The following COL4A3 variants were observed in gnomAD, a reference collection of about 807,000 sequenced individuals.
The protein encoded by COL4A3 is collagen alpha-3(IV) chain.
COL4A3 carries 135 observed loss-of-function variants against 217.4 expected under a neutral mutation model. The ratio of observed to expected loss-of-function variants is 0.62; its 90% CI spans 0.54 to 0.72. COL4A3 has a LOEUF of 0.72. Among genes scored for constraint, COL4A3 ranks in the 30% least tolerant of loss-of-function variants. COL4A3 has a pLI of 0.00. For missense variants in COL4A3, 1,868 were observed against 2,119.9 expected, an observed-to-expected ratio of 0.88 and a Z score of 2.33; for synonymous variants, 690 against 736.3, an observed-to-expected ratio of 0.94 and a Z score of 1.02.
At chr2:227,219,764 T>C (rs978788560) in intron 1 of COL4A3, among the ~76,000 whole-genome samples, 12 of 152,224 alleles carry the variant, frequency 7.9e-5, no homozygotes, top group African/African-American at 2.9e-4. Flanking sequence ...ACCACAGTTA[T>C]ATATTTTATA....
intron 9 of COL4A3, among the ~76,000 whole-genome samples, chr2:227,249,428 G>C (rs1014723933): frequency 6.7e-6 from 1 of 150,068 alleles, no homozygotes; most frequent in African/African-American, 2.5e-5. Context: ...TAGAGATGGG[G>C]TTTCACCATG....
At chr2:227,249,231 T>TATATATATATATATATATATA (rs71036175) in intron 9 of COL4A3, among the ~76,000 whole-genome samples, 3 of 19,472 alleles carry the variant, frequency 1.5e-4, no homozygotes, top group Admixed American at 5.3e-4. Flanking sequence ...TATATATATA[T>TATATATATATATATATATATA]TTTTTTTTTT....
intron 14 of COL4A3, 39 bp from the exon 15 acceptor site, chr2:227,254,617 A>G: frequency 6.9e-7 from 1 of 1,454,014 alleles, no homozygotes; most frequent in Non-Finnish European, 9.7e-7. Flanking sequence ...TAAAAAAATC[A>G]GTAATTCATA....
intron 1 of COL4A3, among the ~76,000 whole-genome samples, chr2:227,212,161 G>GTTTTTTTTGT (rs2067350314): frequency 6.7e-6 from 1 of 148,460 alleles, no homozygotes; most frequent in African/African-American, 2.5e-5. Flanking sequence ...TGTTTTTTTT[G>GTTTTTTTTGT]TTTTTTTTTG....
At chr2:227,202,921 ATG>A (rs1491527559) in intron 1 of COL4A3, among the ~76,000 whole-genome samples, 1 of 31,854 alleles carries the variant, frequency 3.1e-5, no homozygotes, top group Non-Finnish European at 5.1e-5. Flanking sequence ...ATATACATAT[ATG>A]TGTATATATG....
intron 27 of COL4A3, among the ~76,000 whole-genome samples, chr2:227,277,086 G>A (rs1479691768): frequency 1.3e-5 from 2 of 152,024 alleles, no homozygotes; most frequent in Non-Finnish European, 2.9e-5. Flanking sequence ...TTGGGAGGCC[G>A]ACGCAGGCGG....
chr2:227,260,943 T>C (rs759073894), intron 19 of COL4A3, 139 bp from the exon 20 acceptor site: 7 of 686,442 alleles, frequency 1.0e-5, no homozygotes, highest in Non-Finnish European at 1.8e-5. Flanking sequence ...ATTTCTGATA[T>C]TTGTCTAGGT....
At chr2:227,297,616 G>C in intron 41 of COL4A3, 58 bp from the exon 42 acceptor site, 3 of 1,519,602 alleles carry the variant, frequency 2.0e-6, no homozygotes, top group Non-Finnish European at 2.7e-6. Flanking sequence ...AGATAGTCAA[G>C]AACTCTAACC....
Position 227,312,183 on chromosome 2 carries a change from C to A in COL4A3, c.*313C>A. ...GTGATTGTATGAAGTTTGAATGCTG[C>A]AAGTTATGAAATATTTGGCCCGCTG... On this transcript the variant is annotated 3_prime_UTR_variant, in exon 52 of 52. Transcript: ENST00000396578. 1 of 324,536 alleles carries A rather than the reference C, an allele frequency of 3.1e-6. No individual in the cohort carries two copies. The highest frequency in any genetic ancestry group is 3.2e-5 in the South Asian group (1 of 31,636). 20.1% of individuals were successfully genotyped at this position (324,536 alleles called of 1,614,324 possible). A position where few individuals can be genotyped will look rare whatever the true frequency, so the allele number is the denominator to read the frequency against.
intron 13 of COL4A3, 37 bp from the exon 14 acceptor site, chr2:227,254,075 A>T (rs1485949296): frequency 5.1e-6 from 8 of 1,578,036 alleles, no homozygotes; most frequent in Non-Finnish European, 7.0e-6. Flanking sequence ...ATCTCATTTC[A>T]TCCATTTGTA....
intron 1 of COL4A3, among the ~76,000 whole-genome samples, chr2:227,186,717 A>G (rs2066046152): frequency 6.6e-6 from 1 of 152,158 alleles, no homozygotes; most frequent in Non-Finnish European, 1.5e-5. Flanking sequence ...ATCACATTAA[A>G]TGTTCTTGTT....
At chr2:227,260,090 T>C (rs1433368435) in intron 19 of COL4A3, 1 of 725,514 alleles carries the variant, frequency 1.4e-6, no homozygotes, top group Admixed American at 1.7e-5. Flanking sequence ...ATTATCTTTA[T>C]GTAGCAAAAC....
At chr2:227,174,010 G>T (rs2065585586) in intron 1 of COL4A3, among the ~76,000 whole-genome samples, 1 of 152,100 alleles carries the variant, frequency 6.6e-6, no homozygotes. Context: ...GATTTTGTCT[G>T]GTTATTTACC....
chr2:227,249,230 A>ATATATATATATATATATTTTTTTT, intron 9 of COL4A3, among the ~76,000 whole-genome samples: 1 of 14,690 alleles, frequency 6.8e-5, no homozygotes, highest in Non-Finnish European at 1.2e-4. Flanking sequence ...ATATATATAT[A>ATATATATATATATATATTTTTTTT]TTTTTTTTTT....
At chr2:227,261,709 G>T (rs2070580230) in intron 20 of COL4A3, among the ~76,000 whole-genome samples, 1 of 152,162 alleles carries the variant, frequency 6.6e-6, no homozygotes, top group Non-Finnish European at 1.5e-5. Context: ...TATGAGCAGG[G>T]ACCTTGAAAC....
At chr2:227,228,833 G>A (rs181894444) in intron 1 of COL4A3, among the ~76,000 whole-genome samples, 91 of 152,236 alleles carry the variant, frequency 6.0e-4, no homozygotes, top group African/African-American at 2.2e-3. Flanking sequence ...GTGAGACACC[G>A]TTCCCACCTG....
chr2:227,271,461 A>ATTTTTTTT, intron 25 of COL4A3, among the ~76,000 whole-genome samples: 1 of 104,694 alleles, frequency 9.6e-6, no homozygotes, highest in Non-Finnish European at 1.9e-5. Flanking sequence ...ACCTACCAAG[A>ATTTTTTTT]TTTTTTTTTT....
At chr2:227,229,385 G>A (rs929644144) in intron 1 of COL4A3, among the ~76,000 whole-genome samples, 1 of 152,190 alleles carries the variant, frequency 6.6e-6, no homozygotes, top group Non-Finnish European at 1.5e-5. Flanking sequence ...TATAGTCAGT[G>A]TACTCTAATA....
At chr2:227,165,931 C>T (rs1177995569) in intron 1 of COL4A3, among the ~76,000 whole-genome samples, 3 of 152,178 alleles carry the variant, frequency 2.0e-5, no homozygotes, top group Non-Finnish European at 4.4e-5. Context: ...TTTCATATTT[C>T]ATGTAGTTTT....
Sources: gnomAD v4.1 joint callset for allele counts (sites outside exome capture counted in the v4.1 genomes callset) on GRCh38, gnomAD v4.1.1 for gene constraint, MANE v1.5 for transcripts, NCBI Gene and HGNC (gene_info 2026-07-23, HGNC 2026-07-21) for gene names.